KMT2D: variants seen among roughly 807,000 people sequenced by gnomAD.
The protein encoded by KMT2D is lysine methyltransferase 2D.
A neutral mutation model predicts 512.7 loss-of-function variants in KMT2D; 55 were observed. The observed-to-expected ratio is 0.11, with a 90% CI of 0.09 to 0.13. KMT2D has a LOEUF of 0.13. Ranked by LOEUF, KMT2D falls within the 10% of genes least tolerant of loss-of-function variation. The probability of loss-of-function intolerance (pLI) is 1.00; values close to 1 mark genes in which losing one functional copy is unlikely to be tolerated. For synonymous variants in KMT2D, 2,995 were observed against 2,904.0 expected (o/e 1.03, Z -1.01); for missense variants, 6,061 against 7,127.9 (o/e 0.85, Z 5.39).
Position 49,030,384 on chromosome 12 carries a change from G to T in KMT2D, c.13895C>A (p.Pro4632Gln). 6.3e-7 allele frequency: 1 copy of T among 1,599,584 alleles called. No individual in the cohort carries two copies. The highest frequency in any genetic ancestry group is 8.5e-7 in the Non-Finnish European group (1 of 1,171,772). ...PPSSLPPTPP[P>Q]SVQQKMVNGV... ...ATTCACCATCTTCTGCTGCACCGAT[G>T]GGGGTGGGGTGGGGGGCAGCGACGA... Residue 4632 changes from proline to glutamine, a missense_variant, in exon 43 of 55, where the codon CCA becomes CAA. By Grantham distance (76) the Pro-to-Gln change is moderately conservative. Coordinates refer to ENST00000301067, the MANE Select transcript of KMT2D (RefSeq NM_003482.4).
chr12:49,039,695 G>C lies in KMT2D; in HGVS notation c.8046+29C>G, dbSNP rs918474231. 3.1e-6 allele frequency: 5 copies of C among 1,607,494 alleles called. No homozygotes were observed. The African/African-American group carries it at 6.7e-5, about 21-fold the overall frequency. On this transcript the variant is annotated intron_variant, in intron 32 of 54. Coordinates refer to ENST00000301067, the MANE Select transcript of KMT2D (RefSeq NM_003482.4). The surrounding 1 kb of genome is among the most constrained non-coding windows in gnomAD (Gnocchi z 5.0). ...CTGCCCCAGAGACAGGAGCGATATA[G>C]GGGGCTTAGCTCCAGGGTGTCAACT...
At chr12:49,029,930 C>T (rs59939148) in intron 43 of KMT2D, among the ~76,000 whole-genome samples, 1 of 152,276 alleles carries the variant, frequency 6.6e-6, no homozygotes, top group East Asian at 1.9e-4. Flanking sequence ...ACAAGTCAAT[C>T]AAGTTACTTG....
At position 49,051,714 on chromosome 12, in the gene KMT2D, G is replaced by A. The variant is rs2120675189; in HGVS notation, c.1969C>T (p.Pro657Ser). The A allele has an allele frequency of 6.5e-7, 1 of 1,543,872 alleles. No homozygotes were observed. Among genetic ancestry groups the A allele is most frequent in the African/African-American group, 1.4e-5 (1 of 71,850 alleles). ...PPEVSRLSPL[P>S]VVSRLSPPPE... Reference sequence around the variant, plus strand: ...GGTGGAGACAGGCGTGACACCACAGGCAGGGGGGATAGGCGCGATACCTCA... The same window carrying A: ...GGTGGAGACAGGCGTGACACCACAGACAGGGGGGATAGGCGCGATACCTCA... The change falls in exon 11 of 55, where the codon CCT becomes TCT. Residue 657 changes from proline to serine, a missense_variant. Physicochemically the swap from Pro to Ser is moderately conservative, Grantham distance 74. Coordinates refer to ENST00000301067, the MANE Select transcript of KMT2D (RefSeq NM_003482.4).
chr12:49,059,202 G>A lies in KMT2D; in HGVS notation c.-38+411C>T, dbSNP rs79148493. On this transcript the variant is annotated intron_variant, in intron 1 of 54. Transcript: ENST00000301067. Reference sequence around the variant, plus strand: ...GTCCAACTGGCATAAGTCTGACCTGGCAGTGACACCCTCCCCCACCATCCC... The same window carrying A: ...GTCCAACTGGCATAAGTCTGACCTGACAGTGACACCCTCCCCCACCATCCC... Among the ~76,000 whole-genome samples, 81 of 152,140 alleles carry A rather than the reference G, an allele frequency of 5.3e-4. 2 individuals are homozygous for A. The East Asian group carries it at 0.012, about 23-fold the overall frequency.
chr12:49,045,720 T>C lies in KMT2D; in HGVS notation c.4741+200A>G, dbSNP rs532062715. Among the ~76,000 whole-genome samples the C allele has an allele frequency of 1.9e-3, 285 of 151,826 alleles. 1 individual carries two copies. Among genetic ancestry groups the C allele is most frequent in the African/African-American group, 6.2e-3 (258 of 41,338 alleles). ...ACCATGGTGCCTGATGAAAGGAACA[T>C]TGCCCGGGAAGCTGGAGACCTTGGT... On this transcript the variant is annotated intron_variant, in intron 19 of 54. Coordinates refer to ENST00000301067, the MANE Select transcript of KMT2D (RefSeq NM_003482.4).
intron 24 of KMT2D, 85 bp downstream of exon 24, chr12:49,043,550 G>A (rs2120569971): frequency 6.3e-7 from 1 of 1,597,038 alleles, no homozygotes; most frequent in Non-Finnish European, 8.6e-7. Flanking sequence ...CTGGAGGCCA[G>A]TCCATTTCCC....
chr12:49,037,129 A>T lies in KMT2D; in HGVS notation c.10227T>A (p.Asp3409Glu), dbSNP rs2120474396. ...QQQLANSFFP[D>E]TDLDKFAAED... ...TATGTTACCAGCTGAGGTTACCTGT[A>T]TCTGGGAAGAAGCTGTTTGCCAGCT... Residue 3409 changes from aspartate to glutamate, a missense_variant, in exon 35 of 55, where the codon GAT becomes GAA. Around this residue, in one of 16 missense-constraint regions of KMT2D, gnomAD observed 533 missense variants for 539.6 expected, o/e 0.99. Coordinates refer to ENST00000301067, the MANE Select transcript of KMT2D (RefSeq NM_003482.4). 1 of 1,568,456 alleles carries T rather than the reference A, an allele frequency of 6.4e-7. No individual in the cohort carries two copies. The highest frequency in any genetic ancestry group is 8.7e-7 in the Non-Finnish European group (1 of 1,151,810).
chr12:49,050,507 G>A lies in KMT2D; in HGVS notation c.3081C>T (p.Leu1027=), dbSNP rs2120651662. 6.2e-7 allele frequency: 1 copy of A among 1,612,588 alleles called. No individual in the cohort carries two copies. Among genetic ancestry groups the A allele is most frequent in the Non-Finnish European group, 8.5e-7 (1 of 1,178,808 alleles). ...TTTGGGGAACCAGGGAATGCTGAAG[G>A]AGTGGCGAACACTGAGGAGGAAGGG... is the stretch of plus-strand genomic sequence containing the variant. The part of the protein sequence containing the change: ...MEPLPPQCSP[L]LQHSLVPQNS... Residue 1027 remains leucine (L), a synonymous_variant, in exon 12 of 55, where the codon CTC becomes CTT. Transcript: ENST00000301067.
At position 49,020,259 on chromosome 12, in the gene KMT2D, C is replaced by G. The variant is rs1437073939; in HGVS notation, c.*1521G>C. 5.7e-6 allele frequency: 1 copy of G among 174,962 alleles called. No individual in the cohort carries two copies. The highest frequency in any genetic ancestry group is 1.0e-4 in the East Asian group (1 of 9,976). The allele number at this position is 174,962 out of a possible 1,614,324, so 10.8% of individuals were successfully genotyped here. A position where few individuals can be genotyped will look rare whatever the true frequency, so the allele number is the denominator to read the frequency against. On this transcript the variant is annotated 3_prime_UTR_variant, in exon 55 of 55. Transcript: ENST00000301067. ...TGGGAATTGCCCAGCCTCTATACCC[C>G]CATCTTACAGCAGTCACAGCCAGGG...
At position 49,027,224 on chromosome 12, in the gene KMT2D, G is replaced by A. The variant is rs1237034924; in HGVS notation, c.14742C>T (p.Pro4914=). The change falls in exon 49 of 55, where the codon CCC becomes CCT. Residue 4914 remains proline (P), a synonymous_variant. Transcript: ENST00000301067. ...GTGCCAAGGGGGAAGGGGGCGGGGA[G>A]GGTTCTTCAGGAGGTGGGGCCGAGA... The part of the protein sequence containing the change: ...RQLSAPPPEE[P]SPPPSPLAPS... 2 of 1,546,898 alleles carry A rather than the reference G, an allele frequency of 1.3e-6. No homozygotes were observed. The highest frequency in any genetic ancestry group is 1.7e-6 in the Non-Finnish European group (2 of 1,149,514).
chr12:49,023,738 T>C (rs532230698), intron 51 of KMT2D, among the ~76,000 whole-genome samples: 37 of 152,276 alleles, frequency 2.4e-4, no homozygotes, highest in Middle Eastern at 6.8e-3. Context: ...CCAGGACTTT[T>C]TGGAACACAG....
Position 49,040,817 on chromosome 12 carries a change from C to A in KMT2D, c.6953G>T (p.Gly2318Val), listed in dbSNP as rs773922956. The change falls in exon 32 of 55, where the codon GGC (glycine) becomes GTC (valine). Residue 2318 changes from glycine (G) to valine (V), a missense_variant. Coordinates refer to ENST00000301067, the MANE Select transcript of KMT2D (RefSeq NM_003482.4). Reference sequence around the variant, plus strand: ...GACATCAGGTGTCTTTAACTCCAGGCCACCCAGGTGGGTGCCTGAGGAGGG... The same window carrying A: ...GACATCAGGTGTCTTTAACTCCAGGACACCCAGGTGGGTGCCTGAGGAGGG... ...DSPSSGTHLG[G>V]LELKTPDVFK... 2 of 1,613,556 alleles carry A rather than the reference C, an allele frequency of 1.2e-6. No individual in the cohort carries two copies. The highest frequency in any genetic ancestry group is 8.5e-7 in the Non-Finnish European group (1 of 1,179,752).
In KMT2D at chr12:49,050,916, G is replaced by T. The variant is rs2120659700; in HGVS notation, c.2767C>A (p.Pro923Thr). Residue 923 changes from proline (P) to threonine (T), a missense_variant, in exon 11 of 55, where the codon CCA (proline) becomes ACA (threonine). Transcript: ENST00000301067. ...EELPLSPSGE[P>T]SLSPQLMPPD... ...GGCATCAGCTGAGGCGACAAGGATG[G>T]CTCCCCAGATGGGGACAACGGCAGC... 6.5e-7 allele frequency: 1 copy of T among 1,536,358 alleles called. No individual in the cohort carries two copies. Among genetic ancestry groups the T allele is most frequent in the Non-Finnish European group, 8.8e-7 (1 of 1,140,724 alleles).
At position 49,044,021 on chromosome 12, in the gene KMT2D, A is replaced by G. The variant is rs2120577397; in HGVS notation, c.5189-23T>C. ...TCACTGTGGACAGAACGGAAGTGTC[A>G]GACTCGGGTTGAGAGCATGCTGCTC... On this transcript the variant is annotated intron_variant, in intron 22 of 54. Coordinates refer to ENST00000301067, the MANE Select transcript of KMT2D (RefSeq NM_003482.4). The surrounding 1 kb of genome is among the most constrained non-coding windows in gnomAD (Gnocchi z 6.4). 6.2e-7 allele frequency: 1 copy of G among 1,613,074 alleles called. No homozygotes were observed. Among genetic ancestry groups the G allele is most frequent in the Non-Finnish European group, 8.5e-7 (1 of 1,179,234 alleles).
Position 49,026,942 on chromosome 12 carries a change from T to C in KMT2D, c.15024A>G (p.Glu5008=), listed in dbSNP as rs2120364974. The change falls in exon 49 of 55, where the codon GAA becomes GAG. Residue 5008 remains glutamate, a synonymous_variant. Coordinates refer to ENST00000301067, the MANE Select transcript of KMT2D (RefSeq NM_003482.4). This position sits in a 1 kb window ranked among gnomAD's most constrained non-coding sequence, Gnocchi z 9.6. ...CAAGCTGCTCCATAAACTCTGCCAC[T>C]TCCCGCTCATCCTCCTGCCGCCCAC... ...KGSGRQEDER[E]VAEFMEQLGT... is the part of the protein sequence containing the mutation. The C allele has an allele frequency of 1.9e-6, 3 of 1,613,988 alleles. No individual in the cohort carries two copies. Among genetic ancestry groups the C allele is most frequent in the East Asian group, 2.2e-5 (1 of 44,878 alleles).
rs1409769467 is a variant in KMT2D at position 49,051,753 on chromosome 12, T to C, written c.1930A>G (p.Met644Val). 5.7e-6 allele frequency: 7 copies of C among 1,230,592 alleles called. No homozygotes were observed. The highest frequency in any genetic ancestry group is 4.8e-5 in the South Asian group (4 of 83,804). 76.2% of individuals were successfully genotyped at this position (1,230,592 alleles called of 1,614,324 possible). ...PMSPPPEESP[M>V]SPPPEVSRLS... ...CGCGATACCTCAGGTGGGGGGGACA[T>C]AGGTGATTCTTCAGGTGGTGGGGAC... Residue 644 changes from methionine (M) to valine (V), a missense_variant, in exon 11 of 55, where the codon ATG becomes GTG. Around this residue, in one of 16 missense-constraint regions of KMT2D, gnomAD observed 848 missense variants for 838.5 expected, o/e 1.01. Coordinates refer to ENST00000301067, the MANE Select transcript of KMT2D (RefSeq NM_003482.4).
intron 35 of KMT2D, chr12:49,035,579 G>A (rs1344744026): frequency 1.3e-5 from 2 of 152,134 alleles, no homozygotes; most frequent in Non-Finnish European, 2.9e-5. Context: ...CTTTTTTAAA[G>A]ACAGAGTCTT....
At position 49,041,475 on chromosome 12, in the gene KMT2D, G is replaced by C. The variant is rs1452715535; in HGVS notation, c.6295C>G (p.Arg2099Gly). Residue 2099 changes from arginine to glycine, a missense_variant, in exon 32 of 55, where the codon CGA (arginine) becomes GGA (glycine). Physicochemically the swap from Arg to Gly is moderately radical, Grantham distance 125. Coordinates refer to ENST00000301067, the MANE Select transcript of KMT2D (RefSeq NM_003482.4). The surrounding 1 kb of genome is among the most constrained non-coding windows in gnomAD (Gnocchi z 5.4). ...KVGDIARKTD[R>G]PALHLRIPPQ... is the part of the protein sequence containing the mutation. ...GGAATGCGGAGATGTAGGGCCGGTC[G>C]GTCAGTCTTACGGGCTATGTCGCCC... 6.2e-7 allele frequency: 1 copy of C among 1,613,492 alleles called. No homozygotes were observed. Among genetic ancestry groups the C allele is most frequent in the Non-Finnish European group, 8.5e-7 (1 of 1,179,590 alleles).
rs780306423 is a variant in KMT2D at position 49,040,167 on chromosome 12, G to A, written c.7603C>T (p.Arg2535Cys). 8.2e-5 allele frequency: 132 copies of A among 1,613,684 alleles called. 1 individual carries two copies. Among genetic ancestry groups the A allele is most frequent in the South Asian group, 2.7e-4 (25 of 91,090 alleles). Residue 2535 changes from arginine to cysteine, a missense_variant, in exon 32 of 55, where the codon CGT (arginine) becomes TGT (cysteine). Transcript: ENST00000301067. ...CCTACTGCCTGAGGGAAAGTGAAAC[G>A]CATGGGAGAGGGGGTGCCCACAAAT... ...GAFVGTPSPMRFTFPQAVGEP... is the reference protein window; with the variant it reads ...GAFVGTPSPMCFTFPQAVGEP...
Sources: gnomAD v4.1 joint callset for allele counts (sites outside exome capture counted in the v4.1 genomes callset) on GRCh38, gnomAD v4.1.1 for gene constraint, gnomAD v4.1.1 regional missense constraint, Gnocchi (gnomAD v3.1) non-coding constraint, MANE v1.5 for transcripts, NCBI Gene and HGNC (gene_info 2026-07-23, HGNC 2026-07-21) for gene names.